Variants in SLC39A11 observed in about 807,000 individuals in gnomAD.
The protein encoded by SLC39A11 is zinc transporter ZIP11.
A neutral mutation model predicts 36.1 loss-of-function variants in SLC39A11; 33 were observed. The ratio of observed to expected loss-of-function variants is 0.91; its 90% CI spans 0.69 to 1.22. The LOEUF is 1.22. SLC39A11 is among the 50% of genes most tolerant of loss of function. SLC39A11 has a pLI of 0.00. For synonymous variants in SLC39A11, 166 were observed against 170.3 expected, an observed-to-expected ratio of 0.97 and a Z score of 0.20; for missense variants, 432 against 430.3, an observed-to-expected ratio of 1.00 and a Z score of -0.03.
At chr17:72,699,528 C>A (rs942082713) in intron 7 of SLC39A11, among the ~76,000 whole-genome samples, 58 of 152,330 alleles carry the variant, frequency 3.8e-4, no homozygotes, top group African/African-American at 1.4e-3. Context: ...GAAGCCCCTG[C>A]AATGTGTGCT....
At chr17:72,786,992 G>C (rs1023224177) in intron 6 of SLC39A11, among the ~76,000 whole-genome samples, 1 of 151,352 alleles carries the variant, frequency 6.6e-6, no homozygotes, top group African/African-American at 2.4e-5. Flanking sequence ...GCTAATTTTT[G>C]TATTTTTAGT....
At chr17:72,874,551 C>T (rs2080798644) in intron 5 of SLC39A11, among the ~76,000 whole-genome samples, 1 of 152,190 alleles carries the variant, frequency 6.6e-6, no homozygotes, top group South Asian at 2.1e-4. Flanking sequence ...CTATAATCTT[C>T]TCCCATTTTG....
intron 3 of SLC39A11, among the ~76,000 whole-genome samples, chr17:73,064,101 T>TA (rs1216229232): frequency 1.3e-5 from 2 of 149,776 alleles, no homozygotes; most frequent in Admixed American, 6.6e-5. Context: ...AAAAAGGAAA[T>TA]AAAAAAAAGA....
At chr17:72,891,778 T>C (rs1302432809) in intron 5 of SLC39A11, among the ~76,000 whole-genome samples, 1 of 151,550 alleles carries the variant, frequency 6.6e-6, no homozygotes. Flanking sequence ...ATGATTTTAT[T>C]ACTATTTATT....
At chr17:72,988,593 T>C (rs1216835329) in intron 4 of SLC39A11, among the ~76,000 whole-genome samples, 1 of 152,166 alleles carries the variant, frequency 6.6e-6, no homozygotes, top group East Asian at 1.9e-4. Context: ...ATGTTGCAAA[T>C]CTGAAACTCG....
intron 3 of SLC39A11, among the ~76,000 whole-genome samples, chr17:73,063,877 T>C (rs540747903): frequency 7.2e-5 from 11 of 152,340 alleles, no homozygotes; most frequent in Middle Eastern, 3.4e-3. Context: ...GTTTAAAGTT[T>C]ATGCACAGGC....
chr17:72,921,449 T>C (rs2083664969), intron 5 of SLC39A11, among the ~76,000 whole-genome samples: 1 of 152,054 alleles, frequency 6.6e-6, no homozygotes, highest in African/African-American at 2.4e-5. Flanking sequence ...CATGCCTCAG[T>C]GAGCAGATCA....
At chr17:72,960,011 C>T (rs1370959280) in intron 4 of SLC39A11, among the ~76,000 whole-genome samples, 2 of 152,160 alleles carry the variant, frequency 1.3e-5, no homozygotes, top group East Asian at 3.9e-4. Context: ...TGAGAAATCC[C>T]GCAGTAAAGA....
chr17:72,992,396 C>T (rs1367524112), intron 4 of SLC39A11, among the ~76,000 whole-genome samples: 3 of 152,148 alleles, frequency 2.0e-5, no homozygotes, highest in African/African-American at 7.2e-5. Context: ...ATTTAAATTG[C>T]ATTCCCTTTA....
intron 6 of SLC39A11, among the ~76,000 whole-genome samples, chr17:72,820,533 A>G (rs2077736505): frequency 6.6e-6 from 1 of 151,018 alleles, no homozygotes; most frequent in African/African-American, 2.4e-5. Context: ...GATCTATTAC[A>G]TGGCACATCC....
intron 7 of SLC39A11, among the ~76,000 whole-genome samples, chr17:72,717,989 T>C (rs1450536767): frequency 1.3e-5 from 2 of 152,234 alleles, no homozygotes; most frequent in African/African-American, 4.8e-5. Flanking sequence ...GCAAGGGTTA[T>C]GGTTCTTACC....
At chr17:72,987,248 A>G (rs2088832053) in intron 4 of SLC39A11, among the ~76,000 whole-genome samples, 1 of 152,178 alleles carries the variant, frequency 6.6e-6, no homozygotes, top group South Asian at 2.1e-4. Flanking sequence ...TGCTGGCACT[A>G]TGCTTCTTAT....
chr17:73,028,927 G>A (rs1267091757), intron 4 of SLC39A11, among the ~76,000 whole-genome samples: 1 of 151,806 alleles, frequency 6.6e-6, no homozygotes, highest in Non-Finnish European at 1.5e-5. Flanking sequence ...AGACCAGCCT[G>A]GCCAACATGG....
intron 5 of SLC39A11, among the ~76,000 whole-genome samples, chr17:72,902,144 G>A (rs1017227819): frequency 6.6e-5 from 10 of 152,048 alleles, no homozygotes; most frequent in South Asian, 2.1e-4. Flanking sequence ...GGTGGCACAC[G>A]CCTGTAATCC....
intron 5 of SLC39A11, among the ~76,000 whole-genome samples, chr17:72,896,548 C>G (rs1182906634): frequency 6.6e-6 from 1 of 151,992 alleles, no homozygotes; most frequent in Non-Finnish European, 1.5e-5. Context: ...AGTGCTGTAC[C>G]CCAACAGCGT....
intron 6 of SLC39A11, among the ~76,000 whole-genome samples, chr17:72,779,908 G>A (rs879570439): frequency 6.6e-6 from 1 of 152,088 alleles, no homozygotes; most frequent in Non-Finnish European, 1.5e-5. Context: ...AGGAGTCTGT[G>A]GCACCCATGA....
rs576138958 is a variant in SLC39A11 at position 72,961,923 on chromosome 17, C to G, written c.307-14048G>C. ...AGAAAGAAATAGTATGCAAATGGTA[C>G]CTAACTTACTTCAAAAGAAAAGCTG... On this transcript the variant is annotated intron_variant, in intron 4 of 9. Coordinates refer to ENST00000255559, the MANE Select transcript of SLC39A11 (RefSeq NM_139177.4). Among the ~76,000 whole-genome samples, 8 of 152,196 alleles carry G rather than the reference C, an allele frequency of 5.3e-5. No homozygotes were observed. In the South Asian group the frequency reaches 1.7e-3, roughly 32 times the overall value.
intron 6 of SLC39A11, among the ~76,000 whole-genome samples, chr17:72,835,650 G>A (rs757366612): frequency 1.8e-4 from 27 of 152,100 alleles, no homozygotes; most frequent in Admixed American, 3.3e-4. Flanking sequence ...TTGTAGAGAC[G>A]GGGTTCTGCC....
chr17:72,953,617 G>A (rs1350746998), intron 4 of SLC39A11, among the ~76,000 whole-genome samples: 2 of 152,172 alleles, frequency 1.3e-5, no homozygotes, highest in African/African-American at 4.8e-5. Flanking sequence ...AAGGGACAGA[G>A]CTACCTGCAT....
Sources: gnomAD v4.1 joint callset for allele counts (sites outside exome capture counted in the v4.1 genomes callset) on GRCh38, gnomAD v4.1.1 for gene constraint, MANE v1.5 for transcripts, NCBI Gene and HGNC (gene_info 2026-07-23, HGNC 2026-07-21) for gene names.